Variants in TBC1D22A observed in about 807,000 individuals in gnomAD.
TBC1D22A encodes putative GTPase activator.
Under a neutral mutation model 60.2 loss-of-function variants are expected in TBC1D22A, and 38 were observed. That is an observed-to-expected ratio of 0.63 (90% CI 0.49 to 0.83). The LOEUF (loss-of-function observed/expected upper bound fraction) is 0.83, where lower values mean the gene tolerates loss of function less well. Among genes scored for constraint, TBC1D22A ranks in the 40% least tolerant of loss-of-function variants. The pLI is 0.00. For missense variants in TBC1D22A, 628 were observed against 701.0 expected (o/e 0.90, Z 1.18); for synonymous variants, 302 against 281.7 (o/e 1.07, Z -0.72).
At chr22:47,038,536 A>G (rs900117929) in intron 11 of TBC1D22A, among the ~76,000 whole-genome samples, 1 of 152,218 alleles carries the variant, frequency 6.6e-6, no homozygotes, top group Non-Finnish European at 1.5e-5. Context: ...TTCTTCCCAC[A>G]GGACAGGGTG....
intron 4 of TBC1D22A, among the ~76,000 whole-genome samples, chr22:46,840,734 A>G (rs1360597882): frequency 7.1e-6 from 1 of 141,520 alleles, no homozygotes; most frequent in Non-Finnish European, 1.6e-5. Flanking sequence ...CTCTGTCTAC[A>G]AAAAAAAAAA....
intron 9 of TBC1D22A, 104 bp downstream of exon 9, chr22:46,974,503 C>A: frequency 2.2e-6 from 2 of 929,416 alleles, no homozygotes; most frequent in South Asian, 1.4e-5. Flanking sequence ...GCCATGCAGT[C>A]CCTCCTGAAG....
chr22:47,079,607 C>A lies in TBC1D22A; in HGVS notation c.1330-31901C>A, dbSNP rs150532285. ...TGAGGTAAGGATGTATTCTATAAACCCTAGAGCGACCACTAGCAAAATAAA... is the reference window on the plus strand; with the variant it reads ...TGAGGTAAGGATGTATTCTATAAACACTAGAGCGACCACTAGCAAAATAAA... On this transcript the variant is annotated intron_variant, in intron 11 of 12. Coordinates refer to ENST00000337137, the MANE Select transcript of TBC1D22A (RefSeq NM_014346.5). 8.4e-3 allele frequency among the ~76,000 whole-genome samples: 1,284 copies of A among 152,092 alleles called. 19 individuals are homozygous for A. The highest frequency in any genetic ancestry group is 0.03 in the African/African-American group (1,234 of 41,484).
At chr22:46,854,087 C>T (rs1011685546) in intron 4 of TBC1D22A, among the ~76,000 whole-genome samples, 5 of 152,222 alleles carry the variant, frequency 3.3e-5, no homozygotes, top group South Asian at 2.1e-4. Context: ...GTTTTAAACA[C>T]GCTCTTCCTT....
At chr22:46,928,335 T>C (rs778017605) in intron 8 of TBC1D22A, among the ~76,000 whole-genome samples, 5 of 152,214 alleles carry the variant, frequency 3.3e-5, no homozygotes, top group Non-Finnish European at 7.4e-5. Flanking sequence ...AAATTTATGT[T>C]TTCCAACCAG....
At chr22:46,993,736 C>T (rs888823032) in intron 9 of TBC1D22A, among the ~76,000 whole-genome samples, 16 of 152,210 alleles carry the variant, frequency 1.1e-4, no homozygotes, top group African/African-American at 3.6e-4. Flanking sequence ...CAGGCTGCTG[C>T]GAGGGCCATG....
At chr22:47,087,013 G>C (rs2064723500) in intron 11 of TBC1D22A, among the ~76,000 whole-genome samples, 1 of 152,232 alleles carries the variant, frequency 6.6e-6, no homozygotes, top group Non-Finnish European at 1.5e-5. Context: ...TCTGCACGGG[G>C]CTGAAAGGAA....
intron 10 of TBC1D22A, among the ~76,000 whole-genome samples, chr22:47,004,836 C>G (rs1310494086): frequency 6.6e-6 from 1 of 151,120 alleles, no homozygotes; most frequent in Non-Finnish European, 1.5e-5. Context: ...TGTATAGATA[C>G]ACCCACACTA....
At chr22:47,154,819 A>G (rs1244707989) in intron 12 of TBC1D22A, among the ~76,000 whole-genome samples, 1 of 152,204 alleles carries the variant, frequency 6.6e-6, no homozygotes, top group Non-Finnish European at 1.5e-5. Flanking sequence ...TTTCTGCTTT[A>G]GGAGCAGAAG....
At chr22:47,037,269 C>A in intron 11 of TBC1D22A, 71 bp downstream of exon 11, 1 of 1,590,100 alleles carries the variant, frequency 6.3e-7, no homozygotes, top group Non-Finnish European at 8.6e-7. Flanking sequence ...GCCTTCTGCC[C>A]TGGGCCTGTG....
chr22:47,048,711 G>T (rs2063107979), intron 11 of TBC1D22A, among the ~76,000 whole-genome samples: 1 of 152,174 alleles, frequency 6.6e-6, no homozygotes, highest in South Asian at 2.1e-4. Context: ...AACGGAGCTT[G>T]CTGTGTTCCT....
intron 11 of TBC1D22A, among the ~76,000 whole-genome samples, chr22:47,050,844 T>C (rs1055477851): frequency 6.6e-6 from 1 of 152,168 alleles, no homozygotes; most frequent in African/African-American, 2.4e-5. Flanking sequence ...CTGTCTGCCA[T>C]GCCCTGGACA....
chr22:46,799,320 G>A (rs570038900), intron 4 of TBC1D22A, among the ~76,000 whole-genome samples: 1 of 152,310 alleles, frequency 6.6e-6, no homozygotes, highest in East Asian at 1.9e-4. Context: ...TTCTGCATGT[G>A]TGTGCCTGTT....
At chr22:47,008,054 G>T (rs1356449568) in intron 10 of TBC1D22A, among the ~76,000 whole-genome samples, 1 of 152,184 alleles carries the variant, frequency 6.6e-6, no homozygotes, top group Non-Finnish European at 1.5e-5. Context: ...TCAAAATAAT[G>T]CCATGAGGGA....
Position 47,009,915 on chromosome 22 carries a change from G to A in TBC1D22A, c.1201+12206G>A, listed in dbSNP as rs9616195. Among the ~76,000 whole-genome samples the A allele has an allele frequency of 0.015, 2,276 of 152,348 alleles. 24 individuals are homozygous for A. The highest frequency in any genetic ancestry group is 0.024 in the Non-Finnish European group (1,662 of 68,034). On this transcript the variant is annotated intron_variant, in intron 10 of 12. Transcript: ENST00000337137. The surrounding 1 kb of genome is among the most constrained non-coding windows in gnomAD (Gnocchi z 5.8). ...GTCCAGCCCCCAGGGAGGTTGGTTG[G>A]AGTGGAAGACACTGGCTGAGTCTGA...
At chr22:46,968,038 G>T (rs1246600953) in intron 8 of TBC1D22A, among the ~76,000 whole-genome samples, 1 of 152,214 alleles carries the variant, frequency 6.6e-6, no homozygotes, top group African/African-American at 2.4e-5. Context: ...AGGGAAATGA[G>T]CCCCTTAGGA....
chr22:46,959,981 G>T (rs2012236221), intron 8 of TBC1D22A, among the ~76,000 whole-genome samples: 2 of 152,062 alleles, frequency 1.3e-5, no homozygotes, highest in South Asian at 2.1e-4. Context: ...AATTCTTCTG[G>T]CCCAAACCTG....
intron 11 of TBC1D22A, among the ~76,000 whole-genome samples, chr22:47,105,079 A>G (rs1311254027): frequency 1.3e-5 from 2 of 152,098 alleles, no homozygotes; most frequent in African/African-American, 4.8e-5. Context: ...ATCATCGGCC[A>G]TGGTCACTCA....
intron 7 of TBC1D22A, among the ~76,000 whole-genome samples, chr22:46,905,215 T>C (rs1216324262): frequency 6.6e-6 from 1 of 152,102 alleles, no homozygotes; most frequent in African/African-American, 2.4e-5. Context: ...TTTTTGCCAT[T>C]TCAAAACACC....
Sources: allele counts gnomAD v4.1 joint callset (sites outside exome capture counted in the v4.1 genomes callset), GRCh38; gene constraint gnomAD v4.1.1; non-coding constraint Gnocchi (gnomAD v3.1); transcripts MANE v1.5; gene names NCBI Gene and HGNC (gene_info 2026-07-23, HGNC 2026-07-21).